KCNJ6: variants seen among roughly 807,000 people sequenced by gnomAD.
The protein encoded by KCNJ6 is G protein-activated inward rectifier potassium channel 2.
Under a neutral mutation model 34.2 loss-of-function variants are expected in KCNJ6, and 9 were observed. The observed-to-expected ratio is 0.26, with a 90% CI of 0.16 to 0.46. KCNJ6 has a LOEUF of 0.46. KCNJ6 is among the 20% of genes least tolerant of loss of function. KCNJ6 has a pLI of 1.00. For missense variants in KCNJ6, 236 were observed against 531.3 expected (o/e 0.44, Z 5.46); for synonymous variants, 196 against 207.1 (o/e 0.95, Z 0.46).
rs1384171847 is a variant in KCNJ6, at chr21:37,714,933, C to T, written c.224G>A (p.Arg75His). The change falls in exon 3 of 4, where the codon CGC (arginine) becomes CAC (histidine). Residue 75 changes from arginine (R) to histidine (H), a missense_variant. By Grantham distance (29) the Arg-to-His change is conservative. This residue lies in a region of KCNJ6 where 68 missense variants were observed against 165.7 expected (regional missense o/e 0.41). Coordinates refer to ENST00000609713, the MANE Select transcript of KCNJ6 (RefSeq NM_002240.5). The surrounding 1 kb of genome is among the most constrained non-coding windows in gnomAD (Gnocchi z 5.9). ...VHHGNVRETY[R>H]YLTDIFTTLV... ...TGTGGTGAAGATATCGGTCAGGTAG[C>T]GATAGGTCTCCCTCACGTTGCCGTG... 2 of 1,613,956 alleles carry T rather than the reference C, an allele frequency of 1.2e-6. No individual in the cohort carries two copies. Among genetic ancestry groups the T allele is most frequent in the Non-Finnish European group, 1.7e-6 (2 of 1,179,984 alleles).
chr21:37,693,818 C>T (rs2084586506), intron 3 of KCNJ6, among the ~76,000 whole-genome samples: 1 of 152,186 alleles, frequency 6.6e-6, no homozygotes, highest in African/African-American at 2.4e-5. Flanking sequence ...TGCCCTCCCT[C>T]CAGCGGTACC....
intron 2 of KCNJ6, among the ~76,000 whole-genome samples, chr21:37,812,871 C>G (rs1356782915): frequency 6.6e-6 from 1 of 152,202 alleles, no homozygotes. Flanking sequence ...AGGATGCCCA[C>G]TTTCACCAAT....
intron 2 of KCNJ6, among the ~76,000 whole-genome samples, chr21:37,813,409 A>C (rs2055332148): frequency 6.6e-6 from 1 of 152,214 alleles, no homozygotes; most frequent in Non-Finnish European, 1.5e-5. Context: ...AAAAATTCTA[A>C]AATGTATGTG....
intron 1 of KCNJ6, among the ~76,000 whole-genome samples, chr21:37,850,754 C>T (rs564284081): frequency 7.9e-5 from 12 of 152,246 alleles, no homozygotes; most frequent in South Asian, 2.1e-4. Flanking sequence ...TCTAATGATG[C>T]AATGTTGTAT....
intron 3 of KCNJ6, among the ~76,000 whole-genome samples, chr21:37,655,476 G>A (rs936431659): frequency 6.6e-6 from 1 of 151,964 alleles, no homozygotes; most frequent in Non-Finnish European, 1.5e-5. Flanking sequence ...TTCTTCTAAG[G>A]AAGAAGTAAT....
intron 2 of KCNJ6, among the ~76,000 whole-genome samples, chr21:37,823,958 A>G (rs199992199): frequency 0.11 from 15 of 134 alleles, no homozygotes; most frequent in African/African-American, 0.22. Flanking sequence ...TAGATCTTAA[A>G]TATTATCACC....
At chr21:37,646,173 C>T (rs1255141032) in intron 3 of KCNJ6, among the ~76,000 whole-genome samples, 8 of 152,166 alleles carry the variant, frequency 5.3e-5, no homozygotes, top group Non-Finnish European at 1.2e-4. Context: ...TACATTCCTA[C>T]ATTAACTGGG....
chr21:37,646,845 T>A (rs1288883256), intron 3 of KCNJ6, among the ~76,000 whole-genome samples: 1 of 152,048 alleles, frequency 6.6e-6, no homozygotes, highest in East Asian at 1.9e-4. Flanking sequence ...TAATTTGTTG[T>A]ACTTTTTTAG....
chr21:37,632,560 C>T (rs756857082), intron 3 of KCNJ6, among the ~76,000 whole-genome samples: 27 of 151,946 alleles, frequency 1.8e-4, no homozygotes, highest in Non-Finnish European at 3.2e-4. Flanking sequence ...CAGTGAGAAT[C>T]AATAAAGGCA....
At chr21:37,898,602 GA>G (rs1028173800) in intron 1 of KCNJ6, among the ~76,000 whole-genome samples, 9 of 148,970 alleles carry the variant, frequency 6.0e-5, no homozygotes, top group East Asian at 2.0e-4. Context: ...AAAAAAAAAA[GA>G]AAAAAAGAAA....
In KCNJ6 at chr21:37,773,497, C is replaced by T. The variant is rs150622888; in HGVS notation, c.26-58366G>A. ...AAGTCGCTAACTACGGATCTCCCTT[C>T]ATCCCTCCCCTTCACCTCCCCCTTT... On this transcript the variant is annotated intron_variant, in intron 2 of 3. Coordinates refer to ENST00000609713, the MANE Select transcript of KCNJ6 (RefSeq NM_002240.5). Among the ~76,000 whole-genome samples, 9 of 152,242 alleles carry T rather than the reference C, an allele frequency of 5.9e-5. No homozygotes were observed. The South Asian group carries it at 1.2e-3, about 21-fold the overall frequency.
At chr21:37,795,757 A>C (rs981503123) in intron 2 of KCNJ6, among the ~76,000 whole-genome samples, 11 of 139,866 alleles carry the variant, frequency 7.9e-5, no homozygotes, top group East Asian at 4.1e-4. Flanking sequence ...ACAAAAAAAA[A>C]CCCTGCCACA....
intron 2 of KCNJ6, among the ~76,000 whole-genome samples, chr21:37,780,776 C>T (rs1036772649): frequency 6.6e-6 from 1 of 152,058 alleles, no homozygotes; most frequent in Non-Finnish European, 1.5e-5. Context: ...GGGATGGATA[C>T]CCTATTTTGC....
At chr21:37,708,222 G>A (rs2054731492) in intron 3 of KCNJ6, among the ~76,000 whole-genome samples, 1 of 152,226 alleles carries the variant, frequency 6.6e-6, no homozygotes, top group Non-Finnish European at 1.5e-5. Context: ...GTTTAGTGGA[G>A]TTATAATGCT....
intron 3 of KCNJ6, among the ~76,000 whole-genome samples, chr21:37,652,732 G>C (rs2054439554): frequency 2.6e-5 from 4 of 152,302 alleles, no homozygotes; most frequent in Admixed American, 2.6e-4. Context: ...TGTCAGATAG[G>C]CAAGAGAAGA....
At chr21:37,640,446 C>T (rs565288599) in intron 3 of KCNJ6, among the ~76,000 whole-genome samples, 2 of 152,366 alleles carry the variant, frequency 1.3e-5, no homozygotes, top group South Asian at 4.1e-4. Context: ...ACACATGGCT[C>T]TGCCTGAGGA....
intron 2 of KCNJ6, among the ~76,000 whole-genome samples, chr21:37,755,314 A>G (rs1049693425): frequency 7.2e-5 from 11 of 152,184 alleles, no homozygotes; most frequent in African/African-American, 2.7e-4. Context: ...GAAAAAAACA[A>G]CTACACAAAC....
chr21:37,870,000 G>T (rs1244464402), intron 1 of KCNJ6, among the ~76,000 whole-genome samples: 1 of 152,216 alleles, frequency 6.6e-6, no homozygotes, highest in Non-Finnish European at 1.5e-5. Flanking sequence ...GCCAAGACAA[G>T]GCATTTGCTG....
At chr21:37,697,352 A>G (rs1386424006) in intron 3 of KCNJ6, among the ~76,000 whole-genome samples, 1 of 152,148 alleles carries the variant, frequency 6.6e-6, no homozygotes, top group Non-Finnish European at 1.5e-5. Context: ...GGTGTGAAGA[A>G]TTTCGATTGG....
Sources: allele counts gnomAD v4.1 joint callset (sites outside exome capture counted in the v4.1 genomes callset), GRCh38; gene constraint gnomAD v4.1.1; regional missense constraint gnomAD v4.1.1; non-coding constraint Gnocchi (gnomAD v3.1); transcripts MANE v1.5; gene names NCBI Gene and HGNC (gene_info 2026-07-23, HGNC 2026-07-21).